The following BRF1 variants were observed in gnomAD, a reference collection of about 807,000 sequenced individuals.
The protein encoded by BRF1 is transcription factor IIIB 90 kDa subunit.
A neutral mutation model predicts 81.7 loss-of-function variants in BRF1; 59 were observed. That is an observed-to-expected ratio of 0.72 (90% CI 0.59 to 0.90). The LOEUF (loss-of-function observed/expected upper bound fraction) is 0.90, where lower values mean the gene tolerates loss of function less well. BRF1 is among the 40% of genes least tolerant of loss of function. BRF1 has a pLI of 0.00. For missense variants in BRF1, 1,050 were observed against 936.3 expected, an observed-to-expected ratio of 1.12 and a Z score of -1.58; for synonymous variants, 491 against 395.6, an observed-to-expected ratio of 1.24 and a Z score of -2.86.
At chr14:105,292,518 C>T (rs1227566060) in intron 1 of BRF1, among the ~76,000 whole-genome samples, 1 of 152,164 alleles carries the variant, frequency 6.6e-6, no homozygotes, top group Non-Finnish European at 1.5e-5. Context: ...TGACTGGAAA[C>T]TTCTTTTAAG....
rs779201714 is a variant in BRF1 at position 105,263,985 on chromosome 14, T to C, written c.440-7436A>G. 2.0e-5 allele frequency among the ~76,000 whole-genome samples: 3 copies of C among 151,448 alleles called. No individual in the cohort carries two copies. In the South Asian group the frequency reaches 6.3e-4, roughly 32 times the overall value. On this transcript the variant is annotated intron_variant, in intron 3 of 17. Coordinates refer to ENST00000547530, the MANE Select transcript of BRF1 (RefSeq NM_001519.4). The stretch of plus-strand genomic sequence containing the variant: ...GATGGAAAAGTATCCATCATCTCTG[T>C]AATATTTTAGACCTAATATTCCAGC...
chr14:105,281,124 C>T (rs1335650230), intron 2 of BRF1, among the ~76,000 whole-genome samples: 15 of 121,172 alleles, frequency 1.2e-4, no homozygotes, highest in South Asian at 8.9e-4. Flanking sequence ...GCCTGCGTGA[C>T]CCTGAGCCCG....
chr14:105,209,986 G>A lies in BRF1; in HGVS notation c.*565C>T, dbSNP rs186804595. ...GGTATCTGGATGCAGGGCCACAGCT[G>A]GAGGCAGAGGACCTTCAAGGAGCTG... On this transcript the variant is annotated 3_prime_UTR_variant, in exon 18 of 18. Transcript: ENST00000547530. 7.1e-6 allele frequency: 2 copies of A among 280,656 alleles called. No homozygotes were observed. The highest frequency in any genetic ancestry group is 4.8e-5 in the Admixed American group (1 of 20,756). 17.4% of individuals were successfully genotyped at this position (280,656 alleles called of 1,614,324 possible).
chr14:105,226,260 C>T lies in BRF1; in HGVS notation c.946G>A (p.Glu316Lys). 2 of 1,614,106 alleles carry T rather than the reference C, an allele frequency of 1.2e-6. No individual in the cohort carries two copies. Among genetic ancestry groups the T allele is most frequent in the African/African-American group, 2.7e-5 (2 of 75,078 alleles). ...AAGATTGGTTGGTTACCTTCAACCT[C>T]CTCCAGTTTTTTTGACAGGACTTGT... The part of the protein sequence containing the change: ...LEQVLSKKLE[E>K]VEGEISSYQD... Residue 316 changes from glutamate (E) to lysine (K), a missense_variant, in exon 9 of 18, where the codon GAG becomes AAG. By Grantham distance (56) the Glu-to-Lys change is moderately conservative (BLOSUM62 1). Around this residue, in one of 2 missense-constraint regions of BRF1, gnomAD observed 1,043 missense variants for 915.4 expected, o/e 1.14. Transcript: ENST00000547530.
intron 1 of BRF1, among the ~76,000 whole-genome samples, chr14:105,307,934 G>A (rs1177062266): frequency 6.6e-6 from 1 of 152,232 alleles, no homozygotes; most frequent in Non-Finnish European, 1.5e-5. Context: ...TGTCATCCCA[G>A]CACTTTGGGA....
At position 105,219,208 on chromosome 14, in the gene BRF1, G is replaced by C. The variant is rs777982660; in HGVS notation, c.1402C>G (p.Arg468Gly). ...CTCATCCACAGCTCGGCCTTCACGC[G>C]GGCTTCCGACTCATTCAGGATGTAC... The part of the protein sequence containing the change: ...DRYILNESEA[R>G]VKAELWMREN... Residue 468 changes from arginine (R) to glycine (G), a missense_variant, in exon 13 of 18, where the codon CGC becomes GGC. Coordinates refer to ENST00000547530, the MANE Select transcript of BRF1 (RefSeq NM_001519.4). 1.2e-6 allele frequency: 2 copies of C among 1,612,592 alleles called. No homozygotes were observed. Among genetic ancestry groups the C allele is most frequent in the Non-Finnish European group, 1.7e-6 (2 of 1,179,020 alleles).
At chr14:105,221,127 C>T (rs932837043) in intron 11 of BRF1, among the ~76,000 whole-genome samples, 10 of 152,352 alleles carry the variant, frequency 6.6e-5, no homozygotes, top group Middle Eastern at 3.4e-3. Flanking sequence ...GGCTCTCAGC[C>T]AGGGAAGCCT....
At chr14:105,298,870 G>T (rs1408464202) in intron 1 of BRF1, among the ~76,000 whole-genome samples, 2 of 131,952 alleles carry the variant, frequency 1.5e-5, no homozygotes, top group African/African-American at 5.7e-5. Context: ...AAAAAAAAAA[G>T]TTAAAACTTC....
At chr14:105,228,979 C>G (rs2054263875) in intron 6 of BRF1, 66 bp from the exon 7 acceptor site, 2 of 1,419,264 alleles carry the variant, frequency 1.4e-6, no homozygotes, top group Non-Finnish European at 2.0e-6. Flanking sequence ...TGTGGCGGCC[C>G]AGGACAACAC....
At chr14:105,278,007 G>A (rs772687580) in intron 2 of BRF1, among the ~76,000 whole-genome samples, 28 of 152,104 alleles carry the variant, frequency 1.8e-4, no homozygotes, top group Non-Finnish European at 3.1e-4. Context: ...ACCCATCTCC[G>A]CCTCCCAAAG....
At chr14:105,229,690 A>G (rs2054425488) in intron 6 of BRF1, among the ~76,000 whole-genome samples, 4 of 145,048 alleles carry the variant, frequency 2.8e-5, no homozygotes, top group African/African-American at 1.0e-4. Flanking sequence ...GCAACAACCT[A>G]GCATCTCAGG....
intron 6 of BRF1, among the ~76,000 whole-genome samples, chr14:105,229,697 C>A (rs1595338714): frequency 7.3e-6 from 1 of 137,816 alleles, no homozygotes; most frequent in South Asian, 2.4e-4. Flanking sequence ...CCTAGCATCT[C>A]AGGAGAGAGA....
At chr14:105,252,125 C>CTACACCT (rs2055650462) in intron 5 of BRF1, among the ~76,000 whole-genome samples, 1 of 152,208 alleles carries the variant, frequency 6.6e-6, no homozygotes. Context: ...GTTTCCCTGT[C>CTACACCT]TACACCTTCC....
intron 5 of BRF1, 54 bp downstream of exon 5, chr14:105,252,453 G>A (rs962579141): frequency 5.0e-6 from 8 of 1,589,294 alleles, no homozygotes; most frequent in Admixed American, 1.8e-5. Context: ...CATTTGGCAC[G>A]CTGGTCCCTA....
chr14:105,300,078 GGCA>G (rs1336737524), intron 1 of BRF1, among the ~76,000 whole-genome samples: 1 of 152,198 alleles, frequency 6.6e-6, no homozygotes, highest in Non-Finnish European at 1.5e-5. Flanking sequence ...CAAGGCCAAG[GGCA>G]GCAGCAATCG....
chr14:105,226,865 T>C lies in BRF1; in HGVS notation c.789-105A>G, dbSNP rs952526890. On this transcript the variant is annotated intron_variant, in intron 7 of 17. Coordinates refer to ENST00000547530, the MANE Select transcript of BRF1 (RefSeq NM_001519.4). The stretch of plus-strand genomic sequence containing the variant: ...GGCTCATGCCTGTGATCCCAGTGCT[T>C]TGGGAGCCCAAGGTGGGTGGATTGC... The C allele has an allele frequency of 6.4e-5, 99 of 1,558,956 alleles. 1 individual carries two copies. The highest frequency in any genetic ancestry group is 1.1e-4 in the Admixed American group (6 of 55,562).
chr14:105,283,457 G>A (rs965174045), intron 2 of BRF1, among the ~76,000 whole-genome samples: 3 of 152,172 alleles, frequency 2.0e-5, no homozygotes, highest in Non-Finnish European at 4.4e-5. Context: ...ACTCAAGAGG[G>A]GTGGGGGCCC....
intron 2 of BRF1, among the ~76,000 whole-genome samples, chr14:105,279,122 C>T (rs1370077796): frequency 1.3e-5 from 2 of 151,962 alleles, no homozygotes; most frequent in East Asian, 3.9e-4. Flanking sequence ...AGTGAGAGGG[C>T]GGCTTTAGTC....
At chr14:105,215,421 C>G (rs995830242) in intron 15 of BRF1, among the ~76,000 whole-genome samples, 1 of 151,894 alleles carries the variant, frequency 6.6e-6, no homozygotes, top group Non-Finnish European at 1.5e-5. Context: ...TGCACACACA[C>G]TATGTGCAGT....
Sources: gnomAD v4.1 joint callset for allele counts (sites outside exome capture counted in the v4.1 genomes callset) on GRCh38, gnomAD v4.1.1 for gene constraint, gnomAD v4.1.1 regional missense constraint, MANE v1.5 for transcripts, NCBI Gene and HGNC (gene_info 2026-07-23, HGNC 2026-07-21) for gene names.